STPG2: variants seen among roughly 807,000 people sequenced by gnomAD.
STPG2 encodes sperm-tail PG-rich repeat-containing protein 2.
In STPG2, 56 loss-of-function variants were observed where a neutral mutation model predicts 54.2. That is an observed-to-expected ratio of 1.03 (90% CI 0.83 to 1.29). The LOEUF (loss-of-function observed/expected upper bound fraction) is 1.29. Among genes scored for constraint, STPG2 ranks in the 50% most tolerant of loss-of-function variants. The pLI, the probability that STPG2 is intolerant of heterozygous loss-of-function variation, is 0.00. For synonymous variants in STPG2, 200 were observed against 181.8 expected, an observed-to-expected ratio of 1.10 and a Z score of -0.81; for missense variants, 596 against 544.9, an observed-to-expected ratio of 1.09 and a Z score of -0.93.
intron 4 of STPG2, among the ~76,000 whole-genome samples, chr4:97,459,268 A>C (rs1296563849): frequency 1.3e-5 from 2 of 152,090 alleles, no homozygotes. Flanking sequence ...TGGATTTTTC[A>C]AAATAAGTGT....
intron 2 of STPG2, among the ~76,000 whole-genome samples, chr4:98,131,042 C>T (rs1739980215): frequency 6.6e-6 from 1 of 151,762 alleles, no homozygotes; most frequent in Non-Finnish European, 1.5e-5. Flanking sequence ...TTTGTTCTTT[C>T]CTGGAATATA....
Position 97,669,131 on chromosome 4 carries a change from T to C in STPG2, c.1320+43568A>G, listed in dbSNP as rs74615561. Among the ~76,000 whole-genome samples the C allele has an allele frequency of 3.5e-3, 533 of 152,214 alleles. 4 individuals carry two copies. The highest frequency in any genetic ancestry group is 0.013 in the African/African-American group (523 of 41,554). On this transcript the variant is annotated intron_variant, in intron 10 of 10. Transcript: ENST00000295268. ...ATAGAGAAGAGACTAGCCAAATGTA[T>C]TTTAAGGATCTTTTCAAACATTCTG...
chr4:97,616,866 T>C (rs552782062), intron 10 of STPG2, among the ~76,000 whole-genome samples: 17 of 152,138 alleles, frequency 1.1e-4, no homozygotes, highest in Non-Finnish European at 1.9e-4. Flanking sequence ...GATTATAAAA[T>C]AAGCAAGAGG....
At chr4:98,043,727 A>G in intron 5 of STPG2, among the ~76,000 whole-genome samples, 2 of 152,178 alleles carry the variant, frequency 1.3e-5, no homozygotes, top group Non-Finnish European at 2.9e-5. Flanking sequence ...ACTTAAAACA[A>G]TTAGGATTAT....
chr4:97,757,417 T>G (rs1282683445), intron 9 of STPG2, among the ~76,000 whole-genome samples: 3 of 152,208 alleles, frequency 2.0e-5, no homozygotes, highest in Non-Finnish European at 4.4e-5. Context: ...GTGAACGCTC[T>G]GTTCCATGAG....
chr4:97,956,101 AAACTT>A (rs531644738), intron 7 of STPG2, among the ~76,000 whole-genome samples: 294 of 152,284 alleles, frequency 1.9e-3, no homozygotes, highest in African/African-American at 7.0e-3. Context: ...AATATTCAAA[AAACTT>A]AAAATATGTA....
intron 9 of STPG2, among the ~76,000 whole-genome samples, chr4:97,771,602 T>G (rs970321072): frequency 6.6e-6 from 1 of 152,122 alleles, no homozygotes; most frequent in Non-Finnish European, 1.5e-5. Flanking sequence ...GGAATGGGGT[T>G]TCCGATGCAG....
chr4:97,478,594 T>C (rs1399723230), intron 4 of STPG2, among the ~76,000 whole-genome samples: 41 of 152,222 alleles, frequency 2.7e-4, no homozygotes, highest in Non-Finnish European at 5.9e-5. Context: ...ATGTAGATTG[T>C]TTTTTAAATG....
chr4:97,706,075 G>T (rs901703612), intron 10 of STPG2, among the ~76,000 whole-genome samples: 1 of 152,054 alleles, frequency 6.6e-6, no homozygotes, highest in Non-Finnish European at 1.5e-5. Flanking sequence ...TTGATCCAAT[G>T]AATCTACCTT....
intron 10 of STPG2, among the ~76,000 whole-genome samples, chr4:97,623,767 T>C (rs1012999511): frequency 1.3e-5 from 2 of 152,136 alleles, no homozygotes; most frequent in Non-Finnish European, 2.9e-5. Flanking sequence ...GCATAGGTTA[T>C]TTTCCTGATG....
intron 8 of STPG2, among the ~76,000 whole-genome samples, chr4:97,876,413 T>A (rs761984864): frequency 6.6e-6 from 1 of 152,050 alleles, no homozygotes; most frequent in Non-Finnish European, 1.5e-5. Flanking sequence ...CTTTTATAAT[T>A]AAGCAATGAT....
intron 9 of STPG2, among the ~76,000 whole-genome samples, chr4:97,817,079 G>C (rs1727941025): frequency 6.7e-6 from 1 of 149,498 alleles, no homozygotes. Flanking sequence ...GAAGTTAAAA[G>C]AACAGGCCCA....
chr4:97,941,858 T>A (rs1215054), intron 8 of STPG2, among the ~76,000 whole-genome samples: 14 of 151,666 alleles, frequency 9.2e-5, no homozygotes. Flanking sequence ...GCAAAAGAGA[T>A]TTAAAAACCA....
At chr4:97,635,525 A>C (rs1486502374) in intron 10 of STPG2, among the ~76,000 whole-genome samples, 11 of 152,238 alleles carry the variant, frequency 7.2e-5, no homozygotes, top group African/African-American at 2.7e-4. Flanking sequence ...TAAATGCTCC[A>C]ATTAAAAGAC....
chr4:98,101,877 C>T (rs950786681), intron 5 of STPG2, among the ~76,000 whole-genome samples: 3 of 151,018 alleles, frequency 2.0e-5, no homozygotes, highest in Middle Eastern at 3.4e-3. Context: ...CCCCTCCCCC[C>T]CGACCTTAGC....
At chr4:97,480,752 G>C (rs1730199815) in intron 4 of STPG2, among the ~76,000 whole-genome samples, 1 of 151,144 alleles carries the variant, frequency 6.6e-6, no homozygotes, top group African/African-American at 2.4e-5. Flanking sequence ...CAAATATTTT[G>C]CTTACTTTAG....
At chr4:98,094,251 T>C (rs542051698) in intron 5 of STPG2, among the ~76,000 whole-genome samples, 1 of 152,258 alleles carries the variant, frequency 6.6e-6, no homozygotes, top group South Asian at 2.1e-4. Flanking sequence ...CTGAATGATA[T>C]TTCTAGACAC....
intron 4 of STPG2, among the ~76,000 whole-genome samples, chr4:97,455,092 C>T (rs541758999): frequency 6.6e-6 from 1 of 152,174 alleles, no homozygotes; most frequent in South Asian, 2.1e-4. Flanking sequence ...TTATAACCTT[C>T]ACAAAAAATA....
At chr4:98,005,981 A>C (rs561303994) in intron 5 of STPG2, among the ~76,000 whole-genome samples, 2 of 152,340 alleles carry the variant, frequency 1.3e-5, no homozygotes, top group African/African-American at 4.8e-5. Context: ...TTCACCAATT[A>C]AACCATCAGG....
Sources: allele counts gnomAD v4.1 joint callset (sites outside exome capture counted in the v4.1 genomes callset), GRCh38; gene constraint gnomAD v4.1.1; transcripts MANE v1.5; gene names NCBI Gene and HGNC (gene_info 2026-07-23, HGNC 2026-07-21).